The following CASP6 variants were observed in gnomAD, a reference collection of about 807,000 sequenced individuals.
CASP6 encodes caspase-6.
In CASP6, 20 loss-of-function variants were observed where a neutral mutation model predicts 31.8. The observed-to-expected ratio is 0.63, with a 90% CI of 0.44 to 0.91. CASP6 has a LOEUF of 0.91. Among genes scored for constraint, CASP6 ranks in the 40% least tolerant of loss-of-function variants. The pLI is 0.00. For synonymous variants in CASP6, 130 were observed against 127.8 expected, an observed-to-expected ratio of 1.02 and a Z score of -0.12; for missense variants, 328 against 361.1, an observed-to-expected ratio of 0.91 and a Z score of 0.74.
At chr4:109,698,374 T>A in intron 1 of CASP6, 32 bp from the exon 2 acceptor site, 1 of 1,591,928 alleles carries the variant, frequency 6.3e-7, no homozygotes. Context: ...TGTTAATTAT[T>A]TTTTACTTAT....
chr4:109,694,114 G>C (rs1003484098), intron 5 of CASP6, among the ~76,000 whole-genome samples: 6 of 152,164 alleles, frequency 3.9e-5, no homozygotes, highest in Admixed American at 1.3e-4. Flanking sequence ...GGATGAGACA[G>C]GATAAGACTA....
chr4:109,667,730 C>T, the CASP6 span, among the ~76,000 whole-genome samples: 6 of 150,858 alleles, frequency 4.0e-5, no homozygotes, highest in Non-Finnish European at 8.9e-5. Context: ...TCTCTAGTTT[C>T]TTAAAGTATA....
intron 1 of CASP6, among the ~76,000 whole-genome samples, chr4:109,701,739 T>C (rs1730426146): frequency 6.6e-6 from 1 of 152,242 alleles, no homozygotes; most frequent in African/African-American, 2.4e-5. Flanking sequence ...CAGCTACCAT[T>C]TGTTGATGGC....
At chr4:109,694,964 C>T (rs919952320) in intron 4 of CASP6, among the ~76,000 whole-genome samples, 2 of 152,140 alleles carry the variant, frequency 1.3e-5, no homozygotes, top group African/African-American at 4.8e-5. Context: ...TCCCAAGTAG[C>T]TGGGATTACA....
the CASP6 span, among the ~76,000 whole-genome samples, chr4:109,680,907 A>G: frequency 6.6e-6 from 1 of 152,206 alleles, no homozygotes; most frequent in Non-Finnish European, 1.5e-5. Flanking sequence ...AAGGGTATCA[A>G]TCTGAGGGAC....
intron 1 of CASP6, among the ~76,000 whole-genome samples, chr4:109,698,581 A>G (rs1486009148): frequency 2.6e-5 from 4 of 152,226 alleles, no homozygotes; most frequent in Non-Finnish European, 5.9e-5. Flanking sequence ...TCTTATAAAC[A>G]GAAATGGAGA....
chr4:109,687,374 AT>A (rs886519247), downstream of CASP6: 3 of 585,412 alleles, frequency 5.1e-6, no homozygotes, highest in African/African-American at 5.8e-5. Flanking sequence ...AAATATATAT[AT>A]ATTTCAGCCA....
downstream of CASP6, chr4:109,685,287 C>A: frequency 1.3e-6 from 2 of 1,566,424 alleles, no homozygotes; most frequent in Non-Finnish European, 1.8e-6. Context: ...TAGGCAATTT[C>A]TTCAGTTCTT....
At position 109,690,856 on chromosome 4, in the gene CASP6, C is replaced by T. The variant is rs1730028190; in HGVS notation, c.637G>A (p.Ala213Thr). The change falls in exon 6 of 7, where the codon GCA (alanine) becomes ACA (threonine). Residue 213 changes from alanine (A) to threonine (T), a missense_variant. By Grantham distance (58) the Ala-to-Thr change is moderately conservative (BLOSUM62 0). Transcript: ENST00000265164. ...GADFLMCYSVAEGYYSHRETV... is the reference protein window; with the variant it reads ...GADFLMCYSVTEGYYSHRETV... ...TGTTTTAAACACCACACACCTTCTG[C>T]AACAGAGTAACACATGAGGAAGTCA... is the stretch of plus-strand genomic sequence containing the variant. 2 of 1,607,178 alleles carry T rather than the reference C, an allele frequency of 1.2e-6. No homozygotes were observed. Among genetic ancestry groups the T allele is most frequent in the Non-Finnish European group, 8.5e-7 (1 of 1,177,096 alleles).
the CASP6 span, among the ~76,000 whole-genome samples, chr4:109,676,523 TC>T: frequency 6.6e-6 from 1 of 152,152 alleles, no homozygotes; most frequent in African/African-American, 2.4e-5. Flanking sequence ...CCCTTAATAC[TC>T]TGTTCATGAC....
At chr4:109,696,709 T>C (rs990487684) in intron 3 of CASP6, among the ~76,000 whole-genome samples, 3 of 151,884 alleles carry the variant, frequency 2.0e-5, no homozygotes, top group Non-Finnish European at 4.4e-5. Flanking sequence ...TTGTCTACTA[T>C]GCAAATGTTA....
intron 3 of CASP6, among the ~76,000 whole-genome samples, chr4:109,697,340 C>A (rs1283291737): frequency 6.6e-6 from 1 of 151,940 alleles, no homozygotes; most frequent in African/African-American, 2.4e-5. Context: ...GGCATGATCA[C>A]AGCTCCGTGC....
the CASP6 span, chr4:109,682,507 T>C: frequency 1.7e-6 from 2 of 1,183,842 alleles, no homozygotes; most frequent in East Asian, 2.4e-5. Flanking sequence ...GGAAAGAGAA[T>C]TGGGGACCGA....
At chr4:109,672,357 T>G in the CASP6 span, among the ~76,000 whole-genome samples, 1 of 152,162 alleles carries the variant, frequency 6.6e-6, no homozygotes, top group Non-Finnish European at 1.5e-5. Flanking sequence ...GAGAACCTGG[T>G]AAGGTTCCAG....
downstream of CASP6, chr4:109,687,676 T>C: frequency 2.5e-6 from 2 of 803,476 alleles, no homozygotes; most frequent in South Asian, 3.1e-5. Context: ...TGGTTCATTT[T>C]GATTGTTTAA....
chr4:109,685,975 A>G (rs751997201), downstream of CASP6, among the ~76,000 whole-genome samples: 3 of 152,184 alleles, frequency 2.0e-5, no homozygotes, highest in Non-Finnish European at 4.4e-5. Context: ...TTTTATCAGT[A>G]ATTTCATAAC....
chr4:109,683,418 GT>G, the CASP6 span, among the ~76,000 whole-genome samples: 4 of 151,754 alleles, frequency 2.6e-5, no homozygotes, highest in Non-Finnish European at 4.4e-5. Context: ...GACTTGTTTG[GT>G]TTTTTTTATC....
chr4:109,681,527 G>A, the CASP6 span: 15 of 438,958 alleles, frequency 3.4e-5, no homozygotes, highest in South Asian at 2.0e-4. Context: ...TCTGACCTGG[G>A]GTTCTTGGCC....
At chr4:109,706,168 TATACACACACAC>T (rs1375570378), upstream of CASP6, among the ~76,000 whole-genome samples, 2 of 92,482 alleles carry the variant, frequency 2.2e-5, no homozygotes, top group African/African-American at 6.1e-5. Context: ...TATATATATA[TATACACACACAC>T]ATATACACAC....
Sources: allele counts gnomAD v4.1 joint callset (sites outside exome capture counted in the v4.1 genomes callset), GRCh38; gene constraint gnomAD v4.1.1; transcripts MANE v1.5; gene names NCBI Gene and HGNC (gene_info 2026-07-23, HGNC 2026-07-21).